Variants in CACNA1D observed in about 807,000 individuals in gnomAD.
CACNA1D encodes calcium voltage-gated channel subunit alpha1 D, also known as voltage-dependent L-type calcium channel subunit alpha-1D.
CACNA1D carries 55 observed loss-of-function variants against 257.1 expected under a neutral mutation model. The ratio of observed to expected loss-of-function variants is 0.21; its 90% confidence interval spans 0.17 to 0.27. The LOEUF (loss-of-function observed/expected upper bound fraction) is 0.27. CACNA1D is among the 10% of genes least tolerant of loss of function. The probability of loss-of-function intolerance (pLI) is 1.00; values close to 1 mark genes in which losing one functional copy is unlikely to be tolerated. For missense variants in CACNA1D, 1,876 were observed against 2,784.0 expected, an observed-to-expected ratio of 0.67 and a Z score of 7.34; for synonymous variants, 980 against 1,014.9, an observed-to-expected ratio of 0.97 and a Z score of 0.65.
rs201098130 is a variant in CACNA1D at position 53,660,693 on chromosome 3, T to TC, written c.766+422dup. 7.2e-5 allele frequency among the ~76,000 whole-genome samples: 11 copies of TC among 151,886 alleles called. No individual in the cohort carries two copies. In the South Asian group the frequency reaches 1.0e-3, roughly 14 times the overall value. ...ACTTAGCTGCGTGCCTTTTTTTTTT[T>TC]CCCCAAATGGGGAGCATCAGAGGGA... On this transcript the variant is annotated intron_variant, in intron 5 of 47. Coordinates refer to ENST00000350061, the MANE Select transcript of CACNA1D (RefSeq NM_001128840.3).
chr3:53,671,316 C>T (rs992654762), intron 7 of CACNA1D, among the ~76,000 whole-genome samples: 3 of 152,160 alleles, frequency 2.0e-5, no homozygotes, highest in Admixed American at 2.0e-4. Flanking sequence ...AGCCCTGGAC[C>T]TGTCTGCCCT....
chr3:53,802,085 A>G, intron 42 of CACNA1D, 62 bp from the exon 43 acceptor site: 2 of 1,406,330 alleles, frequency 1.4e-6, no homozygotes, highest in East Asian at 2.3e-5. Context: ...TGCATTGTAA[A>G]TTTGGTTGGA....
intron 44 of CACNA1D, among the ~76,000 whole-genome samples, chr3:53,804,155 C>A (rs939119264): frequency 6.6e-6 from 1 of 152,206 alleles, no homozygotes; most frequent in Non-Finnish European, 1.5e-5. Context: ...GGATGAAAAT[C>A]GCCCTCCACC....
intron 27 of CACNA1D, among the ~76,000 whole-genome samples, chr3:53,750,084 G>A (rs1294375148): frequency 1.3e-5 from 2 of 152,226 alleles, no homozygotes; most frequent in Non-Finnish European, 2.9e-5. Context: ...ATCACCCCAG[G>A]GAAGTCAGTA....
intron 3 of CACNA1D, among the ~76,000 whole-genome samples, chr3:53,534,410 C>G (rs1431241129): frequency 6.6e-6 from 1 of 152,252 alleles, no homozygotes; most frequent in African/African-American, 2.4e-5. Flanking sequence ...CTGTCCCTCC[C>G]ACTTCTCTTG....
rs192216889 is a variant in CACNA1D at position 53,772,053 on chromosome 3, G to A, written c.4045-780G>A. On this transcript the variant is annotated intron_variant, in intron 32 of 47. Coordinates refer to ENST00000350061, the MANE Select transcript of CACNA1D (RefSeq NM_001128840.3). ...CCCAGAATTAAGCCTAACACTCTGGGCACCCTGTGCAGGTAGACGTGTTGG... is the reference window on the plus strand; with the variant it reads ...CCCAGAATTAAGCCTAACACTCTGGACACCCTGTGCAGGTAGACGTGTTGG... Among the ~76,000 whole-genome samples the A allele has an allele frequency of 1.8e-3, 273 of 152,354 alleles. 2 individuals carry two copies. Among genetic ancestry groups the A allele is most frequent in the Admixed American group, 0.012 (190 of 15,312 alleles).
intron 29 of CACNA1D, among the ~76,000 whole-genome samples, chr3:53,760,947 A>T (rs530629597): frequency 1.3e-5 from 2 of 152,324 alleles, no homozygotes; most frequent in South Asian, 4.1e-4. Flanking sequence ...TGATTGGTAG[A>T]GCTGCAGACA....
At chr3:53,515,720 T>G (rs752092837) in intron 3 of CACNA1D, among the ~76,000 whole-genome samples, 30 of 152,232 alleles carry the variant, frequency 2.0e-4, no homozygotes, top group Non-Finnish European at 4.0e-4. Context: ...GGTGATGGGC[T>G]TGCTTCTCTG....
At chr3:53,788,991 C>G (rs2095470572) in intron 40 of CACNA1D, among the ~76,000 whole-genome samples, 1 of 152,128 alleles carries the variant, frequency 6.6e-6, no homozygotes, top group Non-Finnish European at 1.5e-5. Context: ...GCACAAACAA[C>G]ACACAGCTAA....
rs185142333 is a variant in CACNA1D at position 53,686,581 on chromosome 3, C to T, written c.1220+13455C>T. 1.1e-4 allele frequency among the ~76,000 whole-genome samples: 17 copies of T among 151,934 alleles called. 1 individual carries two copies. The East Asian group carries it at 1.5e-3, about 14-fold the overall frequency. ...TAATAGAATGAAAGAGGAAATCATA[C>T]GATCACCTCAGTAAATGCAGACATT... On this transcript the variant is annotated intron_variant, in intron 8 of 47. Coordinates refer to ENST00000350061, the MANE Select transcript of CACNA1D (RefSeq NM_001128840.3).
Position 53,801,129 on chromosome 3 carries a change from C to T in CACNA1D, c.5112C>T (p.Thr1704=). Reference sequence around the variant, plus strand: ...ATAGGAGAGATTCCCTTCAGCAGACCAATACCACCCACCGTCCCCTGCATG... The same window carrying T: ...ATAGGAGAGATTCCCTTCAGCAGACTAATACCACCCACCGTCCCCTGCATG... ...NSDRRDSLQQ[T]NTTHRPLHVQ... Residue 1704 remains threonine, a synonymous_variant, in exon 42 of 48, where the codon ACC becomes ACT. Coordinates refer to ENST00000350061, the MANE Select transcript of CACNA1D (RefSeq NM_001128840.3). The T allele has an allele frequency of 6.2e-7, 1 of 1,613,732 alleles. No individual in the cohort carries two copies. Among genetic ancestry groups the T allele is most frequent in the Non-Finnish European group, 8.5e-7 (1 of 1,179,716 alleles).
At chr3:53,501,164 C>T (rs1272995464) in intron 2 of CACNA1D, among the ~76,000 whole-genome samples, 1 of 152,136 alleles carries the variant, frequency 6.6e-6, no homozygotes, top group African/African-American at 2.4e-5. Context: ...AAGAATAGCC[C>T]CTGAGAAAAT....
chr3:53,809,493 ATT>A, intron 46 of CACNA1D: 1 of 203,314 alleles, frequency 4.9e-6, no homozygotes, highest in Non-Finnish European at 1.0e-5. Flanking sequence ...CCGTGGTGGG[ATT>A]GTAAGACCGG....
intron 17 of CACNA1D, 124 bp from the exon 18 acceptor site, chr3:53,731,892 T>C: frequency 1.3e-6 from 1 of 745,300 alleles, no homozygotes; most frequent in Non-Finnish European, 2.5e-6. Context: ...CCCTGCACAC[T>C]CAAATACAGA....
chr3:53,771,217 T>C (rs1576617862), intron 32 of CACNA1D, among the ~76,000 whole-genome samples: 2 of 152,230 alleles, frequency 1.3e-5, no homozygotes, highest in South Asian at 2.1e-4. Flanking sequence ...GTGGGAAATA[T>C]AGATTCTTAG....
At chr3:53,512,526 A>G (rs1436669957) in intron 3 of CACNA1D, among the ~76,000 whole-genome samples, 1 of 152,180 alleles carries the variant, frequency 6.6e-6, no homozygotes, top group Non-Finnish European at 1.5e-5. Flanking sequence ...AAACCTCCAT[A>G]TGGGTCTGTT....
chr3:53,763,056 A>T (rs1424082254), intron 30 of CACNA1D, among the ~76,000 whole-genome samples: 1 of 152,198 alleles, frequency 6.6e-6, no homozygotes, highest in Non-Finnish European at 1.5e-5. Context: ...CACAGGCAGG[A>T]GACCCCACAG....
intron 3 of CACNA1D, among the ~76,000 whole-genome samples, chr3:53,581,706 G>C (rs1344283386): frequency 6.6e-6 from 1 of 152,210 alleles, no homozygotes; most frequent in Non-Finnish European, 1.5e-5. Flanking sequence ...ATGGAGAGAA[G>C]CAGGCCCAGG....
At chr3:53,566,590 G>A (rs1365725139) in intron 3 of CACNA1D, among the ~76,000 whole-genome samples, 1 of 152,066 alleles carries the variant, frequency 6.6e-6, no homozygotes, top group East Asian at 1.9e-4. Context: ...AGAGGACCAG[G>A]GACTTTGTCT....
Sources: allele counts gnomAD v4.1 joint callset (sites outside exome capture counted in the v4.1 genomes callset), GRCh38; gene constraint gnomAD v4.1.1; transcripts MANE v1.5; gene names NCBI Gene and HGNC (gene_info 2026-07-23, HGNC 2026-07-21).